Variants in FOXP2 observed in about 807,000 individuals in gnomAD.
FOXP2 encodes the protein forkhead box P2, also known as forkhead box protein P2.
FOXP2 carries 12 observed loss-of-function variants against 115.8 expected under a neutral mutation model. The observed-to-expected ratio is 0.10, with a 90% CI of 0.07 to 0.17. The LOEUF (loss-of-function observed/expected upper bound fraction) is 0.17. FOXP2 is among the 10% of genes least tolerant of loss of function. The pLI, the probability that FOXP2 is intolerant of heterozygous loss-of-function variation, is 1.00. For missense variants in FOXP2, 629 were observed against 843.5 expected, an observed-to-expected ratio of 0.75 and a Z score of 3.15; for synonymous variants, 328 against 297.7, an observed-to-expected ratio of 1.10 and a Z score of -1.05.
At chr7:114,577,310 A>G (rs1416726389) in intron 3 of FOXP2, among the ~76,000 whole-genome samples, 2 of 151,968 alleles carry the variant, frequency 1.3e-5, no homozygotes, top group Non-Finnish European at 2.9e-5. Flanking sequence ...CTTAAACCTG[A>G]AGCTACATGC....
chr7:114,570,928 C>A, intron 3 of FOXP2: 1 of 1,508,416 alleles, frequency 6.6e-7, no homozygotes, highest in South Asian at 1.1e-5. Flanking sequence ...GGCACAAGGC[C>A]ATGGACCCAG....
chr7:114,284,868 T>C (rs1226756353), intron 1 of FOXP2, among the ~76,000 whole-genome samples: 2 of 152,184 alleles, frequency 1.3e-5, no homozygotes, highest in Non-Finnish European at 1.5e-5. Context: ...TGAGGTGATA[T>C]ACTTTGCAGG....
At chr7:114,290,726 T>G (rs956311552) in intron 2 of FOXP2, among the ~76,000 whole-genome samples, 1 of 152,042 alleles carries the variant, frequency 6.6e-6, no homozygotes, top group Non-Finnish European at 1.5e-5. Flanking sequence ...AATGCAAGGT[T>G]GGAAATCAGA....
At chr7:114,343,916 G>A (rs1483285469) in intron 2 of FOXP2, among the ~76,000 whole-genome samples, 2 of 151,436 alleles carry the variant, frequency 1.3e-5, no homozygotes, top group East Asian at 1.9e-4. Flanking sequence ...GATGTTTATT[G>A]TCTTCCTCAC....
At chr7:114,394,972 A>G (rs1234371417) in intron 2 of FOXP2, among the ~76,000 whole-genome samples, 1 of 150,264 alleles carries the variant, frequency 6.7e-6, no homozygotes, top group Non-Finnish European at 1.5e-5. Context: ...CAGTTTCCAG[A>G]TTTTGATAGT....
At chr7:114,094,613 A>G (rs1413808781) in intron 1 of FOXP2, among the ~76,000 whole-genome samples, 1 of 152,178 alleles carries the variant, frequency 6.6e-6, no homozygotes, top group Non-Finnish European at 1.5e-5. Flanking sequence ...AAGCCAGGCA[A>G]AGTGGGTTTT....
intron 8 of FOXP2, among the ~76,000 whole-genome samples, chr7:114,648,763 C>G (rs913390290): frequency 6.6e-6 from 1 of 152,076 alleles, no homozygotes; most frequent in Admixed American, 6.6e-5. Context: ...CGTCAGTCGA[C>G]CACATCATTT....
intron 1 of FOXP2, among the ~76,000 whole-genome samples, chr7:114,157,040 TC>T (rs1289979232): frequency 6.6e-6 from 1 of 152,140 alleles, no homozygotes; most frequent in East Asian, 1.9e-4. Context: ...GATAATTATT[TC>T]TTGCAGTTGA....
At chr7:114,143,365 T>C (rs74910811) in intron 1 of FOXP2, among the ~76,000 whole-genome samples, 1,643 of 152,138 alleles carry the variant, frequency 0.011, 31 homozygotes, top group African/African-American at 0.038. Context: ...TGAGTTTTTC[T>C]TTCATAATTT....
At chr7:114,667,623 A>G (rs1256019375) in intron 16 of FOXP2, 1 of 152,076 alleles carries the variant, frequency 6.6e-6, no homozygotes, top group Admixed American at 6.6e-5. Context: ...TTTTGAAAGG[A>G]ATTTAGAATA....
At chr7:114,357,075 T>C (rs1413047869) in intron 2 of FOXP2, among the ~76,000 whole-genome samples, 1 of 152,126 alleles carries the variant, frequency 6.6e-6, no homozygotes, top group Non-Finnish European at 1.5e-5. Context: ...AGTATTGCTC[T>C]TTTTTCTCTA....
chr7:114,367,179 TCAAA>T (rs1052974286), intron 2 of FOXP2, among the ~76,000 whole-genome samples: 2 of 151,918 alleles, frequency 1.3e-5, no homozygotes, highest in African/African-American at 2.4e-5. Flanking sequence ...CTTTTCAGAG[TCAAA>T]CAAAGCCCAT....
intron 3 of FOXP2, among the ~76,000 whole-genome samples, chr7:114,542,316 A>G (rs1799701056): frequency 6.6e-6 from 1 of 152,214 alleles, no homozygotes; most frequent in African/African-American, 2.4e-5. Context: ...ATTCTAACAT[A>G]TCATTTTACT....
chr7:114,271,866 T>C (rs1796061392), intron 1 of FOXP2, among the ~76,000 whole-genome samples: 1 of 124,986 alleles, frequency 8.0e-6, no homozygotes, highest in African/African-American at 3.2e-5. Context: ...ATTAAAACAT[T>C]ATAATATGAT....
At chr7:114,278,673 A>G (rs932011998) in intron 1 of FOXP2, among the ~76,000 whole-genome samples, 10 of 152,234 alleles carry the variant, frequency 6.6e-5, no homozygotes, top group African/African-American at 2.4e-4. Context: ...TAACAAATGT[A>G]TACAGTAGAT....
At chr7:114,625,883 G>A (rs112206957) in intron 3 of FOXP2, among the ~76,000 whole-genome samples, 18 of 151,820 alleles carry the variant, frequency 1.2e-4, no homozygotes, top group African/African-American at 3.9e-4. Flanking sequence ...AAGTGTACCT[G>A]TGTTTTTCTA....
At chr7:114,347,316 A>C (rs545983423) in intron 2 of FOXP2, among the ~76,000 whole-genome samples, 1 of 152,108 alleles carries the variant, frequency 6.6e-6, no homozygotes, top group Non-Finnish European at 1.5e-5. Context: ...TACAATACGC[A>C]CACATATAGA....
At chr7:114,647,131 T>G (rs1449525598) in intron 8 of FOXP2, among the ~76,000 whole-genome samples, 1 of 151,946 alleles carries the variant, frequency 6.6e-6, no homozygotes, top group Non-Finnish European at 1.5e-5. Context: ...TCGACTTTAA[T>G]TTGATATCAG....
chr7:114,654,573 AAAG>A (rs1222363635), intron 10 of FOXP2, among the ~76,000 whole-genome samples: 3 of 152,168 alleles, frequency 2.0e-5, no homozygotes, highest in African/African-American at 4.8e-5. Context: ...CTTATCACAA[AAAG>A]AAGTGGGTGA....
Sources: gnomAD v4.1 joint callset for allele counts (sites outside exome capture counted in the v4.1 genomes callset) on GRCh38, gnomAD v4.1.1 for gene constraint, MANE v1.5 for transcripts, NCBI Gene and HGNC (gene_info 2026-07-23, HGNC 2026-07-21) for gene names.